Variants in FAT4 observed in about 807,000 individuals in gnomAD.
FAT4 encodes protocadherin Fat 4.
In FAT4, 84 loss-of-function variants were observed where a neutral mutation model predicts 303.9. The observed-to-expected ratio is 0.28, with a 90% CI of 0.23 to 0.33. The LOEUF is 0.33. Among genes scored for constraint, FAT4 ranks in the 10% least tolerant of loss-of-function variants. The probability of loss-of-function intolerance (pLI) is 1.00; values close to 1 mark genes in which losing one functional copy is unlikely to be tolerated. For synonymous variants in FAT4, 2,307 were observed against 2,298.8 expected (o/e 1.00, Z -0.10); for missense variants, 6,005 against 6,146.8 (o/e 0.98, Z 0.77).
chr4:125,468,486 C>A (rs1288368365), intron 11 of FAT4, 26 bp from the exon 12 acceptor site: 3 of 1,388,066 alleles, frequency 2.2e-6, no homozygotes, highest in Admixed American at 2.6e-5. Context: ...AATTTTATGC[C>A]AGTTTGTCAA....
chr4:125,346,429 A>T (rs1157431839), intron 2 of FAT4, among the ~76,000 whole-genome samples: 3 of 151,944 alleles, frequency 2.0e-5, no homozygotes, highest in African/African-American at 7.2e-5. Flanking sequence ...TTTTTGACAA[A>T]CCAATGAGCA....
rs368545850 is a variant in FAT4 at position 125,398,852 on chromosome 4, G to A, written c.5244G>A (p.Thr1748=). 1.1e-5 allele frequency: 18 copies of A among 1,612,944 alleles called. No individual in the cohort carries two copies. Among genetic ancestry groups the A allele is most frequent in the Non-Finnish European group, 1.4e-5 (16 of 1,179,210 alleles). The change falls in exon 3 of 18, where the codon ACG becomes ACA. Residue 1748 remains threonine, a synonymous_variant. Transcript: ENST00000394329. ...TTCCAACGGACATGCTGGATCTCACGGTAGAGGAGAACATTGGAGATGGCT... is the reference window on the plus strand; with the variant it reads ...TTCCAACGGACATGCTGGATCTCACAGTAGAGGAGAACATTGGAGATGGCT... ...PVFPTDMLDL[T]VEENIGDGSK...
chr4:125,434,217 T>C (rs1465964338), intron 7 of FAT4, 28 bp from the exon 8 acceptor site: 2 of 1,599,040 alleles, frequency 1.3e-6, no homozygotes, highest in East Asian at 2.2e-5. Context: ...TTTATAAACA[T>C]TGAGACTTGA....
chr4:125,341,416 T>C (rs1260505789), intron 2 of FAT4, among the ~76,000 whole-genome samples: 1 of 152,144 alleles, frequency 6.6e-6, no homozygotes, highest in South Asian at 2.1e-4. Flanking sequence ...GTAGAATTAC[T>C]ATTAGTATAG....
At chr4:125,447,388 A>G (rs1031032366) in intron 9 of FAT4, among the ~76,000 whole-genome samples, 7 of 152,122 alleles carry the variant, frequency 4.6e-5, no homozygotes, top group African/African-American at 1.7e-4. Flanking sequence ...TCTGAGAATG[A>G]TACCAATCTA....
In FAT4 at chr4:125,463,605, C is replaced by T. The variant is rs1165953776; in HGVS notation, c.11843C>T (p.Pro3948Leu). 21 of 1,600,824 alleles carry T rather than the reference C, an allele frequency of 1.3e-5. No individual in the cohort carries two copies. The highest frequency in any genetic ancestry group is 1.6e-5 in the Non-Finnish European group (19 of 1,172,082). Residue 3948 changes from proline to leucine, a missense_variant, in exon 11 of 18, where the codon CCC becomes CTC. Physicochemically the swap from Pro to Leu is moderately conservative, Grantham distance 98. Transcript: ENST00000394329. ...TCAGTCAATTACTGTGAATGCAACC[C>T]CTGCTTTAATGGTGGTTCCTGCCAA... ...ESSVNYCECN[P>L]CFNGGSCQSG...
At chr4:125,407,324 T>G (rs2126020039) in intron 4 of FAT4, among the ~76,000 whole-genome samples, 183 bp downstream of exon 4, 1 of 152,248 alleles carries the variant, frequency 6.6e-6, no homozygotes, top group African/African-American at 2.4e-5. Flanking sequence ...CTCAAGCAAA[T>G]GGCTAAATTT....
In FAT4 at chr4:125,397,245, C is replaced by A. The variant is rs140025881; in HGVS notation, c.5176-1539C>A. ...CAGGATTTAGTCTTCACAAAATACT[C>A]TAGGACACATATTATTATACTGATT... On this transcript the variant is annotated intron_variant, in intron 2 of 17. Transcript: ENST00000394329. Among the ~76,000 whole-genome samples the A allele has an allele frequency of 2.8e-4, 43 of 152,064 alleles. 1 individual carries two copies. In the East Asian group the frequency reaches 8.3e-3, roughly 29 times the overall value.
rs143891062 is a variant in FAT4, at chr4:125,402,626, C to T, written c.5307+3711C>T. 1.5e-3 allele frequency among the ~76,000 whole-genome samples: 221 copies of T among 151,926 alleles called. 1 individual carries two copies. The highest frequency in any genetic ancestry group is 2.4e-3 in the Non-Finnish European group (163 of 67,880). On this transcript the variant is annotated intron_variant, in intron 3 of 17. Coordinates refer to ENST00000394329, the MANE Select transcript of FAT4 (RefSeq NM_001291303.3). Reference sequence around the variant, plus strand: ...CAGTACAAACTAACACTAAATATAGCGGGAATATTTTTGCTTTAGACTGTT... The same window carrying T: ...CAGTACAAACTAACACTAAATATAGTGGGAATATTTTTGCTTTAGACTGTT...
intron 5 of FAT4, among the ~76,000 whole-genome samples, chr4:125,409,278 CAG>C (rs1734752160): frequency 6.7e-6 from 1 of 148,294 alleles, no homozygotes; most frequent in Non-Finnish European, 1.5e-5. Flanking sequence ...TTTTTTGAGA[CAG>C]AGTTTCACTC....
At chr4:125,371,773 T>C (rs1261747968) in intron 2 of FAT4, among the ~76,000 whole-genome samples, 1 of 151,828 alleles carries the variant, frequency 6.6e-6, no homozygotes, top group Non-Finnish European at 1.5e-5. Flanking sequence ...TAGAGTTTTT[T>C]GTGAATAAAA....
Position 125,448,514 on chromosome 4 carries a change from G to A in FAT4, c.7504G>A (p.Glu2502Lys). 6.2e-7 allele frequency: 1 copy of A among 1,613,476 alleles called. No individual in the cohort carries two copies. Among genetic ancestry groups the A allele is most frequent in the Non-Finnish European group, 8.5e-7 (1 of 1,179,680 alleles). The part of the protein sequence containing the change: ...VTDADIGPNS[E>K]LHYSLSGRNS... ...AGATGCTGATATTGGACCAAATTCT[G>A]AACTGCATTATTCTCTTTCGGGTAG... Residue 2502 changes from glutamate to lysine, a missense_variant, in exon 10 of 18, where the codon GAA becomes AAA. By Grantham distance (56) the Glu-to-Lys change is moderately conservative (BLOSUM62 1). Coordinates refer to ENST00000394329, the MANE Select transcript of FAT4 (RefSeq NM_001291303.3).
At chr4:125,406,176 A>G (rs1017120000) in intron 3 of FAT4, among the ~76,000 whole-genome samples, 3 of 152,074 alleles carry the variant, frequency 2.0e-5, no homozygotes. Context: ...TTTTAAATTG[A>G]TATTTGTGTA....
At chr4:125,368,156 T>G (rs1732957643) in intron 2 of FAT4, among the ~76,000 whole-genome samples, 1 of 152,152 alleles carries the variant, frequency 6.6e-6, no homozygotes, top group African/African-American at 2.4e-5. Flanking sequence ...AAATGGCCTT[T>G]CACTGTGGCA....
intron 2 of FAT4, among the ~76,000 whole-genome samples, chr4:125,374,407 A>G (rs1412060931): frequency 6.6e-6 from 1 of 152,196 alleles, no homozygotes; most frequent in Non-Finnish European, 1.5e-5. Flanking sequence ...ATATTCCATA[A>G]GAGATTATTA....
intron 2 of FAT4, 25 bp from the exon 3 acceptor site, chr4:125,398,759 C>T (rs764684388): frequency 1.9e-6 from 3 of 1,611,346 alleles, no homozygotes; most frequent in Non-Finnish European, 2.5e-6. Flanking sequence ...GAGTCATTCA[C>T]ACATTGTTTC....
intron 16 of FAT4, among the ~76,000 whole-genome samples, chr4:125,483,018 G>A (rs1371804051): frequency 2.0e-5 from 3 of 152,058 alleles, no homozygotes; most frequent in Admixed American, 2.0e-4. Flanking sequence ...GGCGTCTAGC[G>A]GTAGAGGTCA....
Position 125,452,116 on chromosome 4 carries a change from C to G in FAT4, c.11106C>G (p.Phe3702Leu), listed in dbSNP as rs746330545. The G allele has an allele frequency of 6.2e-7, 1 of 1,614,046 alleles. No homozygotes were observed. The highest frequency in any genetic ancestry group is 1.3e-5 in the African/African-American group (1 of 74,904). Residue 3702 changes from phenylalanine (F) to leucine (L), a missense_variant, in exon 10 of 18, where the codon TTC becomes TTG. Transcript: ENST00000394329. Reference protein sequence around the residue: ...HSTVTSNIRVFFAGFSNATVD... With the variant: ...HSTVTSNIRVLFAGFSNATVD... ...CAGTCACGAGCAACATCCGAGTTTT[C>G]TTTGCTGGATTTTCCAATGCCACAG...
Position 125,468,637 on chromosome 4 carries a change from G to T in FAT4, c.12031G>T (p.Ala4011Ser), listed in dbSNP as rs562585373. ...YVKFATIKSHALLLYNYDNQT... is the reference protein window; with the variant it reads ...YVKFATIKSHSLLLYNYDNQT... ...CAAATTTGCCACGATTAAAAGTCAT[G>T]CCTTATTGCTTTACAACTATGACAA... The change falls in exon 12 of 18, where the codon GCC (alanine) becomes TCC (serine). Residue 4011 changes from alanine to serine, a missense_variant. By Grantham distance (99) the Ala-to-Ser change is moderately conservative (BLOSUM62 1). Transcript: ENST00000394329. 6.2e-7 allele frequency: 1 copy of T among 1,614,066 alleles called. No individual in the cohort carries two copies.
Sources: gnomAD v4.1 joint callset for allele counts (sites outside exome capture counted in the v4.1 genomes callset) on GRCh38, gnomAD v4.1.1 for gene constraint, MANE v1.5 for transcripts, NCBI Gene and HGNC (gene_info 2026-07-23, HGNC 2026-07-21) for gene names.